TUSC3: variants seen among roughly 807,000 people sequenced by gnomAD.
TUSC3 encodes the protein dolichyl-diphosphooligosaccharide--protein glycosyltransferase subunit TUSC3.
In TUSC3, 45 loss-of-function variants were observed where a neutral mutation model predicts 44.8. The ratio of observed to expected loss-of-function variants is 1.00; its 90% confidence interval spans 0.79 to 1.29. The LOEUF (loss-of-function observed/expected upper bound fraction) is 1.29. Among genes scored for constraint, TUSC3 ranks in the 50% most tolerant of loss-of-function variants. The pLI, the probability that TUSC3 is intolerant of heterozygous loss-of-function variation, is 0.00. For missense variants in TUSC3, 519 were observed against 437.9 expected (o/e 1.19, Z -1.65); for synonymous variants, 212 against 152.9 (o/e 1.39, Z -2.85).
At chr8:15,788,340 A>T in the TUSC3 span, among the ~76,000 whole-genome samples, 1 of 152,112 alleles carries the variant, frequency 6.6e-6, no homozygotes, top group Non-Finnish European at 1.5e-5. Context: ...TAAGGTCAGG[A>T]GTTTCAGACC....
chr8:15,622,821 T>A (rs1308995151), intron 1 of TUSC3, among the ~76,000 whole-genome samples: 4 of 151,040 alleles, frequency 2.6e-5, no homozygotes. Flanking sequence ...TTTTTTTTTA[T>A]GTCAACCCCC....
chr8:15,586,194 A>G (rs971174712), intron 1 of TUSC3, among the ~76,000 whole-genome samples: 1 of 152,200 alleles, frequency 6.6e-6, no homozygotes, highest in African/African-American at 2.4e-5. Context: ...GCCAGAAACA[A>G]TTTAAGTCAG....
rs117340066 is a variant in TUSC3 at position 15,470,549 on chromosome 8, C to T, written n.92-12837C>T. On this transcript the variant is annotated intron_variant and non_coding_transcript_variant, in intron 1 of 5. Transcript: ENST00000503191. ...AGAGAAGTTTGAGTATGTGTCGGGACAGGAGGTATATGGGAATTCTTGTAC... is the reference window on the plus strand; with the variant it reads ...AGAGAAGTTTGAGTATGTGTCGGGATAGGAGGTATATGGGAATTCTTGTAC... 5.8e-3 allele frequency among the ~76,000 whole-genome samples: 890 copies of T among 152,168 alleles called. 31 individuals carry two copies. Among genetic ancestry groups the T allele is most frequent in the Admixed American group, 0.046 (710 of 15,274 alleles).
intron 1 of TUSC3, among the ~76,000 whole-genome samples, chr8:15,596,158 A>C (rs1804057179): frequency 6.6e-6 from 1 of 152,228 alleles, no homozygotes; most frequent in Non-Finnish European, 1.5e-5. Flanking sequence ...TATAGTCGCA[A>C]GTTCTAATTG....
chr8:15,673,803 A>T lies in TUSC3; in HGVS notation c.765A>T (p.Pro255=). ...TGTGGAACCATATCCGTGGACCTCC[A>T]TATGCTCATAAGAACCCACACAATG... ...GQMWNHIRGP[P]YAHKNPHNGQ... Residue 255 remains proline, a synonymous_variant, in exon 6 of 11, where the codon CCA becomes CCT. Transcript: ENST00000503731. 1 of 1,612,826 alleles carries T rather than the reference A, an allele frequency of 6.2e-7. No individual in the cohort carries two copies. The highest frequency in any genetic ancestry group is 8.5e-7 in the Non-Finnish European group (1 of 1,179,122).
chr8:15,758,792 T>C (rs1027694022), intron 10 of TUSC3, among the ~76,000 whole-genome samples: 16 of 152,154 alleles, frequency 1.1e-4, no homozygotes, highest in African/African-American at 3.9e-4. Flanking sequence ...TAGGCCTCTC[T>C]GTGGAGGCTG....
intron 1 of TUSC3, among the ~76,000 whole-genome samples, chr8:15,584,826 A>G (rs1055160814): frequency 2.0e-5 from 3 of 152,110 alleles, no homozygotes; most frequent in Non-Finnish European, 2.9e-5. Context: ...TTTTATATGT[A>G]CAGGGTTCTA....
chr8:15,604,629 T>C (rs1318901997), intron 1 of TUSC3, among the ~76,000 whole-genome samples: 1 of 151,800 alleles, frequency 6.6e-6, no homozygotes, highest in Non-Finnish European at 1.5e-5. Context: ...ACTGAATAAT[T>C]ACCGAATTAA....
At chr8:15,496,895 T>C (rs1800887362) in intron 2 of TUSC3, among the ~76,000 whole-genome samples, 1 of 145,170 alleles carries the variant, frequency 6.9e-6, no homozygotes, top group East Asian at 1.9e-4. Context: ...TTAGGAAAAA[T>C]AAAAAGATGA....
intron 2 of TUSC3, among the ~76,000 whole-genome samples, chr8:15,486,607 G>A (rs898669293): frequency 6.6e-6 from 1 of 151,946 alleles, no homozygotes; most frequent in South Asian, 2.1e-4. Flanking sequence ...ACCATGCCCT[G>A]CTAATTTTTG....
chr8:15,634,803 C>G (rs1805989216), intron 2 of TUSC3, among the ~76,000 whole-genome samples: 1 of 152,200 alleles, frequency 6.6e-6, no homozygotes, highest in Non-Finnish European at 1.5e-5. Context: ...CACCTTTTCT[C>G]CAGTTATCCC....
At chr8:15,715,087 G>T (rs1241167388) in intron 6 of TUSC3, among the ~76,000 whole-genome samples, 3 of 151,946 alleles carry the variant, frequency 2.0e-5, no homozygotes, top group Non-Finnish European at 4.4e-5. Flanking sequence ...ACACCTCAAG[G>T]TTTCTTTTTT....
chr8:15,628,621 G>A (rs1239103625), intron 2 of TUSC3, among the ~76,000 whole-genome samples: 3 of 152,146 alleles, frequency 2.0e-5, no homozygotes, highest in Non-Finnish European at 4.4e-5. Context: ...AGAAAGGGAA[G>A]GTGAGGAGCA....
At chr8:15,730,814 T>C in intron 7 of TUSC3, 85 bp downstream of exon 7, 2 of 1,332,002 alleles carry the variant, frequency 1.5e-6, no homozygotes, top group South Asian at 2.5e-5. Flanking sequence ...GCAGTAAATA[T>C]CAAGACTTTT....
intron 1 of TUSC3, among the ~76,000 whole-genome samples, chr8:15,556,338 A>C (rs1802264012): frequency 6.7e-6 from 1 of 150,304 alleles, no homozygotes; most frequent in Non-Finnish European, 1.5e-5. Context: ...TGAACTCATC[A>C]TTTTTTATGG....
intron 1 of TUSC3, among the ~76,000 whole-genome samples, chr8:15,447,086 A>G (rs549647307): frequency 6.6e-6 from 1 of 152,194 alleles, no homozygotes; most frequent in South Asian, 2.1e-4. Context: ...ATGAGAAAAG[A>G]TGACAAGATG....
chr8:15,512,520 C>T (rs1182215954), intron 2 of TUSC3, among the ~76,000 whole-genome samples: 1 of 152,096 alleles, frequency 6.6e-6, no homozygotes, highest in Non-Finnish European at 1.5e-5. Flanking sequence ...CACCTGTAAT[C>T]CCAGCACTTT....
intron 7 of TUSC3, among the ~76,000 whole-genome samples, chr8:15,732,684 T>A (rs893726352): frequency 6.6e-6 from 1 of 152,166 alleles, no homozygotes; most frequent in Non-Finnish European, 1.5e-5. Flanking sequence ...GTATAACTTA[T>A]AAGGTAATAC....
chr8:15,835,267 T>C, the TUSC3 span, among the ~76,000 whole-genome samples: 1 of 152,232 alleles, frequency 6.6e-6, no homozygotes, highest in African/African-American at 2.4e-5. Context: ...CTATGATTCT[T>C]AGAATATCTT....
Sources: gnomAD v4.1 joint callset for allele counts (sites outside exome capture counted in the v4.1 genomes callset) on GRCh38, gnomAD v4.1.1 for gene constraint, MANE v1.5 for transcripts, NCBI Gene and HGNC (gene_info 2026-07-23, HGNC 2026-07-21) for gene names.